XNDC1N: variants seen among roughly 807,000 people sequenced by gnomAD.
XNDC1N encodes XRCC1 N-terminal domain containing 1, N-terminal like.
At chr11:71,910,725 C>A in the XNDC1N span, among the ~76,000 whole-genome samples, 1 of 152,152 alleles carries the variant, frequency 6.6e-6, no homozygotes, top group Non-Finnish European at 1.5e-5. Flanking sequence ...GGGGTCAGAA[C>A]GAAAGCAGGT....
At chr11:71,893,658 C>T in the XNDC1N span, 6 of 1,249,186 alleles carry the variant, frequency 4.8e-6, no homozygotes, top group South Asian at 2.4e-5. Flanking sequence ...ACTTCTTCCT[C>T]TCCAACCTGT....
the XNDC1N span, among the ~76,000 whole-genome samples, chr11:71,901,604 A>G: frequency 6.6e-6 from 1 of 151,472 alleles, no homozygotes; most frequent in East Asian, 2.0e-4. Context: ...ATCTCAAAAC[A>G]ACAAAAACAA....
the XNDC1N span, chr11:71,884,647 A>G: frequency 6.8e-7 from 1 of 1,469,484 alleles, no homozygotes; most frequent in Non-Finnish European, 9.3e-7. Flanking sequence ...ATGATAGATG[A>G]AAATTATTAT....
the XNDC1N span, chr11:71,918,739 G>A: frequency 1.6e-6 from 1 of 611,340 alleles, no homozygotes; most frequent in South Asian, 1.9e-5. Flanking sequence ...CAAGGGCAAG[G>A]GCCACATTTC....
chr11:71,911,166 G>A, the XNDC1N span, among the ~76,000 whole-genome samples: 1 of 152,178 alleles, frequency 6.6e-6, no homozygotes, highest in African/African-American at 2.4e-5. Context: ...GTTGACTGTT[G>A]GGCAAAACCT....
chr11:71,896,594 A>G, the XNDC1N span, among the ~76,000 whole-genome samples: 8,128 of 148,632 alleles, frequency 0.055, 64 homozygotes, highest in African/African-American at 0.1. Context: ...ATGGAGTTTC[A>G]CTCTTGTTGC....
the XNDC1N span, among the ~76,000 whole-genome samples, chr11:71,880,461 A>G: frequency 1.1e-4 from 17 of 152,044 alleles, no homozygotes; most frequent in Non-Finnish European, 1.6e-4. Context: ...TCTCTTCCAA[A>G]AGTCAACTTT....
At chr11:71,911,413 C>A in the XNDC1N span, among the ~76,000 whole-genome samples, 1 of 152,202 alleles carries the variant, frequency 6.6e-6, no homozygotes, top group African/African-American at 2.4e-5. Context: ...CCTCCGGGAC[C>A]AGCCTTGGCC....
the XNDC1N span, among the ~76,000 whole-genome samples, chr11:71,901,047 C>G: frequency 6.9e-3 from 1,048 of 152,262 alleles, 12 homozygotes; most frequent in Non-Finnish European, 8.9e-3. Flanking sequence ...CACAGCTAGA[C>G]CAGTGGGTGC....
At chr11:71,869,706 T>A in the XNDC1N span, among the ~76,000 whole-genome samples, 6 of 152,236 alleles carry the variant, frequency 3.9e-5, no homozygotes, top group South Asian at 1.2e-3. Flanking sequence ...TGAATCTCGA[T>A]GATCTTCATT....
the XNDC1N span, among the ~76,000 whole-genome samples, chr11:71,884,898 C>T: frequency 6.6e-6 from 1 of 151,464 alleles, no homozygotes; most frequent in Non-Finnish European, 1.5e-5. Flanking sequence ...GAGTAAGAGC[C>T]AGCCCTTCTT....
At chr11:71,917,593 C>T in the XNDC1N span, 2 of 703,548 alleles carry the variant, frequency 2.8e-6, no homozygotes, top group African/African-American at 3.5e-5. Flanking sequence ...AAGACCACCC[C>T]CATCTTTTCT....
At chr11:71,887,272 C>A in the XNDC1N span, among the ~76,000 whole-genome samples, 1 of 152,196 alleles carries the variant, frequency 6.6e-6, no homozygotes, top group Non-Finnish European at 1.5e-5. Context: ...TTTCTGCTTG[C>A]CTTGCACTTG....
At chr11:71,903,397 G>A in the XNDC1N span, 24 of 1,426,102 alleles carry the variant, frequency 1.7e-5, no homozygotes, top group Admixed American at 3.9e-4. Context: ...GTCCTTGCCT[G>A]ACATCGGTTT....
At chr11:71,883,183 G>A in the XNDC1N span, among the ~76,000 whole-genome samples, 1 of 152,058 alleles carries the variant, frequency 6.6e-6, no homozygotes. Context: ...GCAATTTATA[G>A]ATTATATACA....
the XNDC1N span, among the ~76,000 whole-genome samples, chr11:71,867,505 C>T: frequency 6.6e-6 from 1 of 152,200 alleles, no homozygotes; most frequent in African/African-American, 2.4e-5. Context: ...CCTGCTGCAG[C>T]CCTGCTTACA....
chr11:71,878,325 GA>G, the XNDC1N span: 1 of 942,776 alleles, frequency 1.1e-6, no homozygotes, highest in Non-Finnish European at 1.6e-6. Context: ...TTGAAACACA[GA>G]AATGTTATTG....
At chr11:71,889,095 A>C in the XNDC1N span, among the ~76,000 whole-genome samples, 1 of 152,212 alleles carries the variant, frequency 6.6e-6, no homozygotes, top group East Asian at 1.9e-4. Context: ...AGGCCACTTC[A>C]GCCTAGAAAG....
the XNDC1N span, among the ~76,000 whole-genome samples, chr11:71,869,860 T>C: frequency 6.6e-6 from 1 of 152,232 alleles, no homozygotes; most frequent in African/African-American, 2.4e-5. Flanking sequence ...TTTTAATCTG[T>C]GTAGACTGAT....
Sources: gnomAD v4.1 joint callset for allele counts (sites outside exome capture counted in the v4.1 genomes callset) on GRCh38, gnomAD v4.1.1 for gene constraint, MANE v1.5 for transcripts, NCBI Gene and HGNC (gene_info 2026-07-23, HGNC 2026-07-21) for gene names.